HIF1A: variants seen among roughly 807,000 people sequenced by gnomAD.
The protein encoded by HIF1A is hypoxia inducible factor 1 subunit alpha.
HIF1A carries 24 observed loss-of-function variants against 92.7 expected under a neutral mutation model. That is an observed-to-expected ratio of 0.26 (90% CI 0.19 to 0.36). HIF1A has a LOEUF of 0.36. HIF1A is among the 10% of genes least tolerant of loss of function. The pLI, the probability that HIF1A is intolerant of heterozygous loss-of-function variation, is 1.00. For synonymous variants in HIF1A, 319 were observed against 338.7 expected (o/e 0.94, Z 0.64); for missense variants, 799 against 998.5 (o/e 0.80, Z 2.69).
At position 61,727,637 on chromosome 14, in the gene HIF1A, T is replaced by G; in HGVS notation, c.755T>G (p.Phe252Cys). ...FLSRHSLDMK[F>C]SYCDERITEL... ...AGTCGACACAGCCTGGATATGAAAT[T>G]TTCTTATTGTGATGAAAGGTAAATT... Residue 252 changes from phenylalanine to cysteine, a missense_variant, in exon 6 of 15, where the codon TTT becomes TGT. Around this residue, in one of 2 missense-constraint regions of HIF1A, gnomAD observed 516 missense variants for 721.0 expected, o/e 0.72. Transcript: ENST00000337138. 6.2e-7 allele frequency: 1 copy of G among 1,611,758 alleles called. No homozygotes were observed. Among genetic ancestry groups the G allele is most frequent in the Non-Finnish European group, 8.5e-7 (1 of 1,177,928 alleles).
At chr14:61,733,460 A>T (rs2044600037) in intron 7 of HIF1A, among the ~76,000 whole-genome samples, 2 of 152,230 alleles carry the variant, frequency 1.3e-5, no homozygotes, top group Admixed American at 6.5e-5. Context: ...GAATGTTAAG[A>T]TCCCCAAGAT....
chr14:61,745,892 C>G, intron 14 of HIF1A, 75 bp downstream of exon 14: 1 of 1,311,394 alleles, frequency 7.6e-7, no homozygotes, highest in East Asian at 2.3e-5. Context: ...GAGCTTTAAT[C>G]TAAGTGAGAA....
chr14:61,731,085 C>A (rs1251385652), intron 6 of HIF1A, among the ~76,000 whole-genome samples: 2 of 151,702 alleles, frequency 1.3e-5, no homozygotes, highest in African/African-American at 4.8e-5. Flanking sequence ...AAGATCTTGC[C>A]TTTAAGTGTG....
At chr14:61,729,907 A>C (rs2044554996) in intron 6 of HIF1A, among the ~76,000 whole-genome samples, 1 of 152,170 alleles carries the variant, frequency 6.6e-6, no homozygotes. Flanking sequence ...AGCTCTTTCC[A>C]GGAACTTCTT....
chr14:61,736,448 G>C (rs35312129), intron 8 of HIF1A, among the ~76,000 whole-genome samples: 4,301 of 152,216 alleles, frequency 0.028, 70 homozygotes, highest in Non-Finnish European at 0.047. Context: ...CCCAGGTAGT[G>C]AGCATAATAC....
At chr14:61,723,120 A>T (rs1330479226) in intron 4 of HIF1A, among the ~76,000 whole-genome samples, 1 of 152,172 alleles carries the variant, frequency 6.6e-6, no homozygotes, top group African/African-American at 2.4e-5. Context: ...TTAAGTGCAT[A>T]CGTTTGTTTG....
intron 8 of HIF1A, among the ~76,000 whole-genome samples, chr14:61,734,751 A>C (rs2044616089): frequency 6.8e-6 from 1 of 147,000 alleles, no homozygotes; most frequent in South Asian, 2.2e-4. Flanking sequence ...TGAAAATTAA[A>C]TGAAATTCTA....
At chr14:61,734,569 A>G (rs567917215) in intron 8 of HIF1A, among the ~76,000 whole-genome samples, 2 of 152,278 alleles carry the variant, frequency 1.3e-5, no homozygotes, top group East Asian at 3.9e-4. Context: ...GTTTGGTCTA[A>G]TTATACAGAT....
Position 61,738,643 on chromosome 14 carries a change from T to C in HIF1A, c.1536+270T>C, listed in dbSNP as rs116121035. Among the ~76,000 whole-genome samples the C allele has an allele frequency of 9.0e-3, 1,364 of 152,314 alleles. 15 individuals carry two copies. Among genetic ancestry groups the C allele is most frequent in the African/African-American group, 0.03 (1,261 of 41,562 alleles). On this transcript the variant is annotated intron_variant, in intron 10 of 14. Coordinates refer to ENST00000337138, the MANE Select transcript of HIF1A (RefSeq NM_001530.4). ...GTACATTGTTTCTCTATTATTTATA[T>C]CAGTAGGACAAAAACATCTTGAATT...
chr14:61,737,762 C>T (rs2044655241), intron 9 of HIF1A, among the ~76,000 whole-genome samples: 1 of 152,210 alleles, frequency 6.6e-6, no homozygotes. Context: ...CGCAGTGGCT[C>T]ACGCCTGTAA....
Position 61,747,134 on chromosome 14 carries a change from C to A in HIF1A, c.*49C>A. 6.8e-7 allele frequency: 1 copy of A among 1,463,012 alleles called. No individual in the cohort carries two copies. The highest frequency in any genetic ancestry group is 9.3e-7 in the Non-Finnish European group (1 of 1,077,512). 90.6% of individuals were successfully genotyped at this position (1,463,012 alleles called of 1,614,324 possible). A position where few individuals can be genotyped will look rare whatever the true frequency, so the allele number is the denominator to read the frequency against. ...TTTTTGGACACTGGTGGCTCATTAC[C>A]TAAAGCAGTCTATTTATATTTTCTA... On this transcript the variant is annotated 3_prime_UTR_variant, in exon 15 of 15. Coordinates refer to ENST00000337138, the MANE Select transcript of HIF1A (RefSeq NM_001530.4).
chr14:61,736,297 C>T lies in HIF1A; in HGVS notation c.1029-592C>T, dbSNP rs73314107. ...CAGCCTGGATATCTGAAATTCTTAA[C>T]TGAAATTAGTCAAATTATCTTGTAC... On this transcript the variant is annotated intron_variant, in intron 8 of 14. Coordinates refer to ENST00000337138, the MANE Select transcript of HIF1A (RefSeq NM_001530.4). Among the ~76,000 whole-genome samples the T allele has an allele frequency of 5.0e-3, 759 of 152,238 alleles. 6 individuals are homozygous for T. The highest frequency in any genetic ancestry group is 0.017 in the African/African-American group (714 of 41,546).
chr14:61,743,846 A>C (rs1157053869), intron 12 of HIF1A, among the ~76,000 whole-genome samples: 1 of 152,238 alleles, frequency 6.6e-6, no homozygotes, highest in Non-Finnish European at 1.5e-5. Context: ...TAGTGGGAAG[A>C]GCAGGGGAGG....
rs906477739 is a variant in HIF1A, at chr14:61,697,967, T to C, written c.35+2128T>C. The stretch of plus-strand genomic sequence containing the variant: ...GAATAGAAAATGGGTATGGTTATGA[T>C]ACTGTAGATTTAACGCAGGACATTT... On this transcript the variant is annotated intron_variant, in intron 1 of 14. Transcript: ENST00000337138. 9.2e-6 allele frequency: 13 copies of C among 1,412,006 alleles called. No individual in the cohort carries two copies. In the African/African-American group the frequency reaches 1.3e-4, roughly 14 times the overall value. 87.5% of individuals were successfully genotyped at this position (1,412,006 alleles called of 1,614,324 possible). A position where few individuals can be genotyped will look rare whatever the true frequency, so the allele number is the denominator to read the frequency against.
chr14:61,701,713 C>G (rs954883929), intron 1 of HIF1A, among the ~76,000 whole-genome samples: 1 of 152,058 alleles, frequency 6.6e-6, no homozygotes, highest in Admixed American at 6.5e-5. Context: ...GTGGGCTGGG[C>G]GCGGTGGCTC....
chr14:61,711,521 C>T (rs748071192), intron 1 of HIF1A, among the ~76,000 whole-genome samples: 4 of 152,182 alleles, frequency 2.6e-5, no homozygotes, highest in Non-Finnish European at 2.9e-5. Flanking sequence ...AATTGGCTTT[C>T]TAGTTTCTCA....
intron 1 of HIF1A, among the ~76,000 whole-genome samples, chr14:61,708,865 C>T (rs2044275500): frequency 6.6e-6 from 1 of 152,146 alleles, no homozygotes; most frequent in Admixed American, 6.6e-5. Flanking sequence ...AAAAACTTTA[C>T]ATACACATTT....
Position 61,738,083 on chromosome 14 carries a change from A to G in HIF1A, c.1250-4A>G. On this transcript the variant is annotated splice_polypyrimidine_tract_variant and splice_region_variant and intron_variant, in intron 9 of 14. Transcript: ENST00000337138. ...TTAGATTGACTCATATTTTTTCCCC[A>G]CAGACACAGAAACTGATGACCAGCA... The G allele has an allele frequency of 3.2e-6, 5 of 1,579,786 alleles. No homozygotes were observed. The highest frequency in any genetic ancestry group is 4.3e-6 in the Non-Finnish European group (5 of 1,165,176).
Position 61,740,922 on chromosome 14 carries a change from A to G in HIF1A, c.1827A>G (p.Glu609=). 1 of 1,614,170 alleles carries G rather than the reference A, an allele frequency of 6.2e-7. No homozygotes were observed. The highest frequency in any genetic ancestry group is 8.5e-7 in the Non-Finnish European group (1 of 1,180,030). ...TATTCCAGCAGACTCAAATACAAGA[A>G]CCTACTGCTAATGCCACCACTACCA... is the stretch of plus-strand genomic sequence containing the variant. ...VTVFQQTQIQ[E]PTANATTTTA... Residue 609 remains glutamate (E), a synonymous_variant, in exon 12 of 15, where the codon GAA becomes GAG. Coordinates refer to ENST00000337138, the MANE Select transcript of HIF1A (RefSeq NM_001530.4).
Sources: allele counts gnomAD v4.1 joint callset (sites outside exome capture counted in the v4.1 genomes callset), GRCh38; gene constraint gnomAD v4.1.1; regional missense constraint gnomAD v4.1.1; transcripts MANE v1.5; gene names NCBI Gene and HGNC (gene_info 2026-07-23, HGNC 2026-07-21).